Variants in CDC6 observed in about 807,000 individuals in gnomAD.
CDC6 encodes cell division cycle 6.
In CDC6, 46 loss-of-function variants were observed where a neutral mutation model predicts 60.2. The observed-to-expected ratio is 0.76, with a 90% CI of 0.60 to 0.98. CDC6 has a LOEUF of 0.98. CDC6 is among the 50% of genes least tolerant of loss of function. The probability of loss-of-function intolerance (pLI) is 0.00; values close to 1 mark genes in which losing one functional copy is unlikely to be tolerated. For missense variants in CDC6, 596 were observed against 652.9 expected, an observed-to-expected ratio of 0.91 and a Z score of 0.95; for synonymous variants, 210 against 233.2, an observed-to-expected ratio of 0.90 and a Z score of 0.90.
In CDC6 at chr17:40,294,506, C is replaced by T; in HGVS notation, c.1083+3C>T. 6.2e-7 allele frequency: 1 copy of T among 1,613,848 alleles called. No homozygotes were observed. On this transcript the variant is annotated splice_donor_region_variant and intron_variant, in intron 7 of 11. Coordinates refer to ENST00000209728, the MANE Select transcript of CDC6 (RefSeq NM_001254.4). Reference sequence around the variant, plus strand: ...TTTTGCAAGATCGACTTAATCAGGTCAGTGCCAACTATTTTGCCAAATTAT... The same window carrying T: ...TTTTGCAAGATCGACTTAATCAGGTTAGTGCCAACTATTTTGCCAAATTAT...
At chr17:40,297,845 G>C (rs941932849) in intron 9 of CDC6, among the ~76,000 whole-genome samples, 1 of 152,196 alleles carries the variant, frequency 6.6e-6, no homozygotes, top group African/African-American at 2.4e-5. Flanking sequence ...GAGGGTAGAG[G>C]TAAAAAGATC....
Position 40,288,090 on chromosome 17 carries a change from G to A in CDC6, c.-14G>A, listed in dbSNP as rs952903768. 1.3e-5 allele frequency: 2 copies of A among 153,792 alleles called. No individual in the cohort carries two copies. Among genetic ancestry groups the A allele is most frequent in the African/African-American group, 4.8e-5 (2 of 41,474 alleles). The allele number at this position is 153,792 out of a possible 1,614,324, so 9.5% of individuals were successfully genotyped here. ...GGCTGCGGGTTCCGGCGAGGCCTGA[G>A]GTGAAGTGAAGGGAAAAGAGCTGAG... On this transcript the variant is annotated splice_region_variant and 5_prime_UTR_variant, in exon 1 of 12. Transcript: ENST00000209728.
chr17:40,299,138 CTTTTTTTTTTTT>C (rs67162965), intron 9 of CDC6, among the ~76,000 whole-genome samples: 84 of 60,780 alleles, frequency 1.4e-3, no homozygotes, highest in African/African-American at 4.9e-3. Flanking sequence ...AGGCCATAGT[CTTTTTTTTTTTT>C]TTTTTTTTTT....
rs1189212780 is a variant in CDC6 at position 40,302,055 on chromosome 17, A to C, written c.*54A>C. 4 of 1,037,052 alleles carry C rather than the reference A, an allele frequency of 3.9e-6. No individual in the cohort carries two copies. In the Admixed American group the frequency reaches 6.8e-5, roughly 18 times the overall value. 64.2% of individuals were successfully genotyped at this position (1,037,052 alleles called of 1,614,324 possible). On this transcript the variant is annotated 3_prime_UTR_variant, in exon 12 of 12. Transcript: ENST00000209728. ...ATTCAGCTGGCATTTAGAGAGCTAC[A>C]GTCTTCATTTTAGTGCTTTACACAT...
intron 9 of CDC6, among the ~76,000 whole-genome samples, chr17:40,297,503 G>A (rs1567736100): frequency 6.6e-6 from 1 of 152,148 alleles, no homozygotes; most frequent in Non-Finnish European, 1.5e-5. Flanking sequence ...GGGAGGGAGA[G>A]CATGCAGGAC....
At chr17:40,301,808 C>A in intron 11 of CDC6, 104 bp from the exon 12 acceptor site, 1 of 972,932 alleles carries the variant, frequency 1.0e-6, no homozygotes, top group Non-Finnish European at 1.6e-6. Flanking sequence ...GTTTAACTTG[C>A]TTGCCTTTTG....
At chr17:40,301,822 G>A in intron 11 of CDC6, 90 bp from the exon 12 acceptor site, 1 of 1,032,356 alleles carries the variant, frequency 9.7e-7, no homozygotes, top group Non-Finnish European at 1.5e-6. Flanking sequence ...CCTTTTGTGA[G>A]AAAAAGTTTA....
chr17:40,300,777 C>G (rs2032928356), intron 9 of CDC6, 51 bp from the exon 10 acceptor site: 2 of 1,339,512 alleles, frequency 1.5e-6, no homozygotes, highest in Non-Finnish European at 2.1e-6. Flanking sequence ...CATACATACA[C>G]ACACACAGTA....
chr17:40,291,577 T>C lies in CDC6; in HGVS notation c.569T>C (p.Ile190Thr), dbSNP rs1256296463. 6.2e-7 allele frequency: 1 copy of C among 1,614,124 alleles called. No individual in the cohort carries two copies. The highest frequency in any genetic ancestry group is 8.5e-7 in the Non-Finnish European group (1 of 1,180,002). ...DVIRNFLREH[I>T]CGKKAGSLYL... Reference sequence around the variant, plus strand: ...ATCAGGAATTTCTTGAGGGAACACATCTGTGGGAAAAAAGCTGGAAGCCTT... The same window carrying C: ...ATCAGGAATTTCTTGAGGGAACACACCTGTGGGAAAAAAGCTGGAAGCCTT... Residue 190 changes from isoleucine to threonine, a missense_variant, in exon 4 of 12, where the codon ATC becomes ACC. By Grantham distance (89) the Ile-to-Thr change is moderately conservative. Transcript: ENST00000209728.
Position 40,304,084 on chromosome 17 carries a change from TCTTTCCCCTCTATCTTTCC to T in CDC6, c.*2093_*2111del, listed in dbSNP as rs2032970696. On this transcript the variant is annotated 3_prime_UTR_variant, in exon 12 of 12. Coordinates refer to ENST00000209728, the MANE Select transcript of CDC6 (RefSeq NM_001254.4). ...TTGGTAGATTCAAAGGGGCCAAATT[TCTTTCCCCTCTATCTTTCC>T]CTTTCCCCTGGTTTTGGAAATAGAG... 1.3e-5 allele frequency: 2 copies of T among 152,292 alleles called. No individual in the cohort carries two copies. Among genetic ancestry groups the T allele is most frequent in the Admixed American group, 1.3e-4 (2 of 15,292 alleles). The allele number at this position is 152,292 out of a possible 1,614,324, so 9.4% of individuals were successfully genotyped here.
At chr17:40,291,937 C>T (rs1013704105) in intron 4 of CDC6, among the ~76,000 whole-genome samples, 36 of 152,072 alleles carry the variant, frequency 2.4e-4, no homozygotes, top group African/African-American at 7.2e-4. Context: ...TTAGTAGAGA[C>T]GGGGTGTCAC....
At chr17:40,290,450 A>C (rs4135001) in intron 2 of CDC6, among the ~76,000 whole-genome samples, 41 of 152,284 alleles carry the variant, frequency 2.7e-4, no homozygotes, top group African/African-American at 9.6e-4. Context: ...TTGACAATGA[A>C]GAATTATTTG....
intron 4 of CDC6, 86 bp downstream of exon 4, chr17:40,291,754 T>C: frequency 7.0e-7 from 1 of 1,433,992 alleles, no homozygotes; most frequent in Non-Finnish European, 9.8e-7. Flanking sequence ...TTTGTTTTGT[T>C]TTGTTTTTTG....
chr17:40,289,703 CTTTTTT>C (rs34020648), intron 2 of CDC6, 105 bp downstream of exon 2: 64 of 333,612 alleles, frequency 1.9e-4, no homozygotes, highest in East Asian at 5.1e-4. Flanking sequence ...GTTAAGACTT[CTTTTTT>C]TTTTTTTTTT....
intron 1 of CDC6, among the ~76,000 whole-genome samples, chr17:40,288,552 T>TG (rs1186837104): frequency 6.7e-6 from 1 of 149,650 alleles, no homozygotes; most frequent in Non-Finnish European, 1.5e-5. Context: ...TTCATGTAGC[T>TG]GGGACTACAG....
In CDC6 at chr17:40,289,498, T is replaced by C. The variant is rs566819304; in HGVS notation, c.78T>C (p.Ala26=). 1 of 1,614,038 alleles carries C rather than the reference T, an allele frequency of 6.2e-7. No individual in the cohort carries two copies. Among genetic ancestry groups the C allele is most frequent in the South Asian group, 1.1e-5 (1 of 91,086 alleles). ...KRKLSRALNK[A]KNSSDAKLEP... ...AGCTGTCTCGGGCATTGAACAAAGC[T>C]AAAAACTCCAGTGATGCCAAACTAG... The change falls in exon 2 of 12, where the codon GCT becomes GCC. Residue 26 remains alanine, a synonymous_variant. Transcript: ENST00000209728.
intron 9 of CDC6, among the ~76,000 whole-genome samples, chr17:40,299,631 C>G (rs1442482454): frequency 6.6e-6 from 1 of 152,010 alleles, no homozygotes; most frequent in African/African-American, 2.4e-5. Context: ...GGCATGGTGG[C>G]TTACGCCCAT....
chr17:40,301,057 G>A (rs769449254), intron 10 of CDC6, 27 bp downstream of exon 10: 17 of 1,492,846 alleles, frequency 1.1e-5, no homozygotes, highest in East Asian at 2.3e-5. Flanking sequence ...CAGATGGAAC[G>A]GAGGTAGAGA....
chr17:40,295,465 C>T lies in CDC6; in HGVS notation c.1184+9C>T, dbSNP rs760166664. On this transcript the variant is annotated intron_variant, in intron 8 of 11. Coordinates refer to ENST00000209728, the MANE Select transcript of CDC6 (RefSeq NM_001254.4). ...GCACTGGATGTTTGCAGGTGAGTTA[C>T]GGCTCTGTTGCATTCTTTTATTAAA... is the stretch of plus-strand genomic sequence containing the variant. The T allele has an allele frequency of 3.5e-5, 54 of 1,524,904 alleles. No individual in the cohort carries two copies. The East Asian group carries it at 7.9e-4, about 22-fold the overall frequency. The allele number at this position is 1,524,904 out of a possible 1,614,324, so 94.5% of individuals were successfully genotyped here. A position where few individuals can be genotyped will look rare whatever the true frequency, so the allele number is the denominator to read the frequency against.
Sources: allele counts gnomAD v4.1 joint callset (sites outside exome capture counted in the v4.1 genomes callset), GRCh38; gene constraint gnomAD v4.1.1; transcripts MANE v1.5; gene names NCBI Gene and HGNC (gene_info 2026-07-23, HGNC 2026-07-21).